Variants in ROBO2 observed in about 807,000 individuals in gnomAD.
The protein encoded by ROBO2 is roundabout guidance receptor 2.
Under a neutral mutation model 160.8 loss-of-function variants are expected in ROBO2, and 53 were observed. The observed-to-expected ratio is 0.33, with a 90% CI of 0.26 to 0.41. The LOEUF (loss-of-function observed/expected upper bound fraction) is 0.41, where lower values mean the gene tolerates loss of function less well. Among genes scored for constraint, ROBO2 ranks in the 10% least tolerant of loss-of-function variants. ROBO2 has a pLI of 1.00. For missense variants in ROBO2, 1,577 were observed against 1,722.4 expected, an observed-to-expected ratio of 0.92 and a Z score of 1.49; for synonymous variants, 664 against 611.7, an observed-to-expected ratio of 1.09 and a Z score of -1.26.
At chr3:75,991,661 T>C (rs543789200) in intron 2 of ROBO2, among the ~76,000 whole-genome samples, 61 of 152,148 alleles carry the variant, frequency 4.0e-4, no homozygotes, top group Non-Finnish European at 7.9e-4. Flanking sequence ...GCTGAAAAGA[T>C]ACCCCAAAAT....
At chr3:77,570,747 A>G (rs1035276575) in intron 13 of ROBO2, among the ~76,000 whole-genome samples, 3 of 152,006 alleles carry the variant, frequency 2.0e-5, no homozygotes, top group Non-Finnish European at 4.4e-5. Context: ...GTGTTATTTA[A>G]ATTATCAAAA....
At chr3:76,439,750 T>A (rs1315588761) in intron 2 of ROBO2, among the ~76,000 whole-genome samples, 1 of 152,292 alleles carries the variant, frequency 6.6e-6, no homozygotes, top group East Asian at 1.9e-4. Context: ...ATTTTTAATA[T>A]CTGCCTGTCA....
chr3:76,520,311 C>T (rs1211096780), intron 2 of ROBO2, among the ~76,000 whole-genome samples: 4 of 152,150 alleles, frequency 2.6e-5, no homozygotes, highest in African/African-American at 4.8e-5. Flanking sequence ...ATTAGCCGGG[C>T]GTGGTGGCAG....
At chr3:75,922,765 A>G (rs889096517) in intron 1 of ROBO2, among the ~76,000 whole-genome samples, 1 of 152,196 alleles carries the variant, frequency 6.6e-6, no homozygotes, top group Admixed American at 6.5e-5. Flanking sequence ...GTTGTCACTT[A>G]TGAATCTATT....
At chr3:76,610,692 T>C (rs548511989) in intron 2 of ROBO2, among the ~76,000 whole-genome samples, 7 of 145,718 alleles carry the variant, frequency 4.8e-5, no homozygotes, top group Admixed American at 4.1e-4. Context: ...TGTGGTCCAG[T>C]GAGCAGGAGC....
intron 2 of ROBO2, among the ~76,000 whole-genome samples, chr3:77,209,306 A>G: frequency 6.6e-6 from 1 of 152,312 alleles, no homozygotes; most frequent in Non-Finnish European, 1.5e-5. Context: ...GTTGCTGATT[A>G]TCAAAATATT....
intron 2 of ROBO2, among the ~76,000 whole-genome samples, chr3:76,358,999 GC>G (rs1486145501): frequency 7.4e-6 from 1 of 135,686 alleles, no homozygotes; most frequent in African/African-American, 2.8e-5. Flanking sequence ...TTCAATTCCC[GC>G]CTATGAGTGA....
intron 2 of ROBO2, among the ~76,000 whole-genome samples, chr3:76,349,863 A>G (rs905249494): frequency 1.3e-5 from 2 of 152,090 alleles, no homozygotes; most frequent in African/African-American, 4.8e-5. Flanking sequence ...ATTGCGCTAC[A>G]GAAGAGGAAT....
In ROBO2 at chr3:77,490,565, T is replaced by A. The variant is rs2085974108; in HGVS notation, c.668-2679T>A. Among the ~76,000 whole-genome samples, 4 of 152,192 alleles carry A rather than the reference T, an allele frequency of 2.6e-5. No homozygotes were observed. The South Asian group carries it at 6.2e-4, about 24-fold the overall frequency. ...CTTCCTATTATATAAGTAACCTCCT[T>A]TATCTCATTGAAAATTTATTTGGCT... On this transcript the variant is annotated intron_variant, in intron 4 of 25. Coordinates refer to ENST00000461745, the Ensembl canonical transcript of ROBO2.
intron 2 of ROBO2, among the ~76,000 whole-genome samples, chr3:76,049,385 A>G (rs2035698): frequency 0.11 from 7,341 of 65,734 alleles, 777 homozygotes; most frequent in African/African-American, 0.26. Context: ...TAATTTTAGT[A>G]TATATATATA....
At chr3:76,854,057 T>TTTCTCTGTCTGA (rs1559605381) in intron 2 of ROBO2, among the ~76,000 whole-genome samples, 2 of 91,470 alleles carry the variant, frequency 2.2e-5, no homozygotes, top group African/African-American at 7.6e-5. Context: ...TCTCTCTCTC[T>TTTCTCTGTCTGA]CTCTCTCTCT....
At chr3:75,943,685 C>CT (rs1193946230) in intron 2 of ROBO2, among the ~76,000 whole-genome samples, 6 of 151,858 alleles carry the variant, frequency 4.0e-5, no homozygotes, top group Non-Finnish European at 7.4e-5. Flanking sequence ...CTAAGATATT[C>CT]TTTTTTTGTT....
rs147173040 is a variant in ROBO2, at chr3:76,044,344, A to T, written c.109+106742A>T. ...CAAAGAAGCACAGGTTTTTAAATAG[A>T]AGAGAAGCAATGTTGAATAAAGAGT... On this transcript the variant is annotated intron_variant, in intron 2 of 26. Transcript: ENST00000487694. Among the ~76,000 whole-genome samples, 152 of 152,128 alleles carry T rather than the reference A, an allele frequency of 1.0e-3. 3 individuals are homozygous for T. Among genetic ancestry groups the T allele is most frequent in the African/African-American group, 3.6e-3 (149 of 41,402 alleles).
chr3:77,462,965 T>A (rs1453019838), intron 2 of ROBO2, among the ~76,000 whole-genome samples: 2 of 152,210 alleles, frequency 1.3e-5, no homozygotes, highest in African/African-American at 4.8e-5. Flanking sequence ...TTTCCTCCAT[T>A]TTACCTTACG....
At chr3:76,560,943 T>G (rs1360423051) in intron 2 of ROBO2, among the ~76,000 whole-genome samples, 24 of 25,918 alleles carry the variant, frequency 9.3e-4, no homozygotes, top group African/African-American at 2.2e-3. Flanking sequence ...GATATATATA[T>G]ATATATATAT....
intron 2 of ROBO2, among the ~76,000 whole-genome samples, chr3:77,023,385 T>G (rs981075698): frequency 1.3e-5 from 2 of 152,148 alleles, no homozygotes; most frequent in Non-Finnish European, 2.9e-5. Context: ...AACGAACTAA[T>G]ACAATGTTTG....
chr3:77,326,628 T>C (rs2153437192), intron 2 of ROBO2, among the ~76,000 whole-genome samples: 1 of 152,346 alleles, frequency 6.6e-6, no homozygotes, highest in Non-Finnish European at 1.5e-5. Flanking sequence ...TGAATGCGTT[T>C]CTTTTTTTCA....
chr3:77,083,903 T>G (rs2068965651), intron 1 of ROBO2, among the ~76,000 whole-genome samples: 1 of 152,008 alleles, frequency 6.6e-6, no homozygotes, highest in African/African-American at 2.4e-5. Flanking sequence ...GAACTTTCCT[T>G]AGCTGGAGAT....
At chr3:75,930,804 A>G (rs1384379335) in intron 1 of ROBO2, among the ~76,000 whole-genome samples, 1 of 152,176 alleles carries the variant, frequency 6.6e-6, no homozygotes, top group African/African-American at 2.4e-5. Flanking sequence ...TTGGTTCCAA[A>G]TATATCTGTA....
Sources: gnomAD v4.1 joint callset for allele counts (sites outside exome capture counted in the v4.1 genomes callset) on GRCh38, gnomAD v4.1.1 for gene constraint, MANE v1.5 for transcripts, NCBI Gene and HGNC (gene_info 2026-07-23, HGNC 2026-07-21) for gene names.